Variants in ANKRD6 observed in about 807,000 individuals in gnomAD.
ANKRD6 encodes the protein ankyrin repeat domain 6, also known as ankyrin repeat domain-containing protein 6.
Under a neutral mutation model 82.3 loss-of-function variants are expected in ANKRD6, and 56 were observed. The observed-to-expected ratio is 0.68, with a 90% CI of 0.55 to 0.85. The LOEUF (loss-of-function observed/expected upper bound fraction) is 0.85, where lower values mean the gene tolerates loss of function less well. Among genes scored for constraint, ANKRD6 ranks in the 40% least tolerant of loss-of-function variants. The pLI, the probability that ANKRD6 is intolerant of heterozygous loss-of-function variation, is 0.00. For synonymous variants in ANKRD6, 347 were observed against 352.1 expected, an observed-to-expected ratio of 0.99 and a Z score of 0.16; for missense variants, 852 against 907.6, an observed-to-expected ratio of 0.94 and a Z score of 0.79.
At chr6:89,565,746 G>T (rs1397725820) in intron 1 of ANKRD6, among the ~76,000 whole-genome samples, 1 of 152,228 alleles carries the variant, frequency 6.6e-6, no homozygotes, top group Non-Finnish European at 1.5e-5. Context: ...TCAGAGTTAG[G>T]ATGTGTGGTA....
chr6:89,616,506 G>C, intron 7 of ANKRD6, 53 bp from the exon 8 acceptor site: 1 of 1,560,260 alleles, frequency 6.4e-7, no homozygotes, highest in South Asian at 1.1e-5. Context: ...GAAAAGCTGG[G>C]GGCTGTAGGC....
At chr6:89,470,070 C>A (rs561161732) in intron 1 of ANKRD6, among the ~76,000 whole-genome samples, 5 of 152,230 alleles carry the variant, frequency 3.3e-5, no homozygotes, top group African/African-American at 1.2e-4. Context: ...AGGTAAAAAT[C>A]TTTTAAAATG....
intron 1 of ANKRD6, among the ~76,000 whole-genome samples, chr6:89,462,827 G>C (rs1774351447): frequency 6.8e-6 from 1 of 148,058 alleles, no homozygotes; most frequent in African/African-American, 2.5e-5. Context: ...AAAAGTACAC[G>C]AGTACCCCTA....
intron 1 of ANKRD6, among the ~76,000 whole-genome samples, chr6:89,446,713 C>T (rs1017082813): frequency 9.2e-5 from 14 of 152,092 alleles, no homozygotes; most frequent in African/African-American, 2.9e-4. Flanking sequence ...ATAGTTTGGC[C>T]GTGTCCCCAC....
In ANKRD6 at chr6:89,450,288, G is replaced by A. The variant is rs147701610; in HGVS notation, c.-144+16913G>A. ...GGAGGTGCAGGTTGTGGTGAGCCTC[G>A]CGACAGAGTGAGACTCCATCTCAAA... On this transcript the variant is annotated intron_variant, in intron 1 of 15. Transcript: ENST00000339746. Among the ~76,000 whole-genome samples the A allele has an allele frequency of 4.0e-3, 614 of 151,834 alleles. 4 individuals carry two copies. Among genetic ancestry groups the A allele is most frequent in the African/African-American group, 0.014 (583 of 41,396 alleles).
At chr6:89,462,724 T>C (rs1237005380) in intron 1 of ANKRD6, among the ~76,000 whole-genome samples, 1 of 152,254 alleles carries the variant, frequency 6.6e-6, no homozygotes. Context: ...AGATTATCTT[T>C]GGGCAATTCC....
intron 1 of ANKRD6, among the ~76,000 whole-genome samples, chr6:89,446,578 A>G (rs957096548): frequency 1.3e-5 from 2 of 152,018 alleles, no homozygotes; most frequent in Non-Finnish European, 2.9e-5. Flanking sequence ...AATTCTTGAA[A>G]GAAATTAAAA....
chr6:89,469,966 T>C (rs1403301538), intron 1 of ANKRD6, among the ~76,000 whole-genome samples: 1 of 152,192 alleles, frequency 6.6e-6, no homozygotes, highest in Non-Finnish European at 1.5e-5. Flanking sequence ...TCTCCTTTTC[T>C]CCATAAATGG....
Position 89,595,901 on chromosome 6 carries a change from A to ATTT in ANKRD6, c.121-13_121-11dup. The ATTT allele has an allele frequency of 6.3e-7, 1 of 1,591,806 alleles. No individual in the cohort carries two copies. The highest frequency in any genetic ancestry group is 8.6e-7 in the Non-Finnish European group (1 of 1,167,250). ...AGGACTTGTTCCGAAATCATTGTTC[A>ATTT]TTTTGCATTCACAGCATGGCCGGAC... On this transcript the variant is annotated splice_polypyrimidine_tract_variant and intron_variant, in intron 2 of 15. Coordinates refer to ENST00000339746, the MANE Select transcript of ANKRD6 (RefSeq NM_001242809.2).
At chr6:89,536,586 G>A (rs1783868821) in intron 1 of ANKRD6, among the ~76,000 whole-genome samples, 1 of 152,226 alleles carries the variant, frequency 6.6e-6, no homozygotes, top group South Asian at 2.1e-4. Flanking sequence ...AAGGAATGTA[G>A]CTGATTCAGT....
At chr6:89,485,284 C>T (rs1026847047) in intron 1 of ANKRD6, among the ~76,000 whole-genome samples, 5 of 152,130 alleles carry the variant, frequency 3.3e-5, no homozygotes, top group Non-Finnish European at 5.9e-5. Context: ...TAGCATTGAA[C>T]GCTATGTTTT....
At chr6:89,450,210 G>A (rs1199062042) in intron 1 of ANKRD6, among the ~76,000 whole-genome samples, 2 of 151,812 alleles carry the variant, frequency 1.3e-5, no homozygotes, top group African/African-American at 4.8e-5. Context: ...GGTGGCAGGC[G>A]CCTATAATCC....
chr6:89,622,560 G>C (rs1349315667), intron 10 of ANKRD6, among the ~76,000 whole-genome samples: 1 of 152,246 alleles, frequency 6.6e-6, no homozygotes, highest in African/African-American at 2.4e-5. Context: ...AGGGAGGGGA[G>C]CAAGGCTATG....
At chr6:89,587,190 C>CAA (rs36065437) in intron 2 of ANKRD6, among the ~76,000 whole-genome samples, 290 of 84,244 alleles carry the variant, frequency 3.4e-3, no homozygotes, top group South Asian at 7.9e-3. Flanking sequence ...AACTCCGTCT[C>CAA]AAAAAAAAAA....
At chr6:89,470,264 A>G (rs923279777) in intron 1 of ANKRD6, among the ~76,000 whole-genome samples, 94 of 152,210 alleles carry the variant, frequency 6.2e-4, no homozygotes, top group African/African-American at 2.2e-3. Flanking sequence ...AGTTCTTGTT[A>G]ATCCTCAGGA....
chr6:89,538,783 G>A (rs1056666411), intron 1 of ANKRD6, among the ~76,000 whole-genome samples: 14 of 151,692 alleles, frequency 9.2e-5, no homozygotes, highest in African/African-American at 3.1e-4. Context: ...AACCAGTTTG[G>A]TTCCAACTTT....
chr6:89,465,788 G>A (rs1429629306), intron 1 of ANKRD6, among the ~76,000 whole-genome samples: 2 of 152,156 alleles, frequency 1.3e-5, no homozygotes, highest in South Asian at 4.2e-4. Context: ...ACTTGAGCCC[G>A]GGAGATCAAT....
chr6:89,612,307 C>G lies in ANKRD6; in HGVS notation c.453C>G (p.Asn151Lys), dbSNP rs1452531571. ...GNTALHLACQNSHSQSTRVLL... is the reference protein window; with the variant it reads ...GNTALHLACQKSHSQSTRVLL... ...CAGCTCTGCACCTGGCCTGCCAGAACAGCCACTCCCAGAGCACGCGCGTCC... is the reference window on the plus strand; with the variant it reads ...CAGCTCTGCACCTGGCCTGCCAGAAGAGCCACTCCCAGAGCACGCGCGTCC... Residue 151 changes from asparagine to lysine, a missense_variant, in exon 6 of 16, where the codon AAC (asparagine) becomes AAG (lysine). Physicochemically the swap from Asn to Lys is moderately conservative, Grantham distance 94 (BLOSUM62 0). Coordinates refer to ENST00000339746, the MANE Select transcript of ANKRD6 (RefSeq NM_001242809.2). 2.6e-6 allele frequency: 4 copies of G among 1,564,956 alleles called. No homozygotes were observed. Among genetic ancestry groups the G allele is most frequent in the Non-Finnish European group, 1.7e-6 (2 of 1,154,186 alleles).
chr6:89,537,783 C>G (rs1259001388), intron 1 of ANKRD6, among the ~76,000 whole-genome samples: 1 of 147,248 alleles, frequency 6.8e-6, no homozygotes, highest in Non-Finnish European at 1.5e-5. Context: ...GCAGTCCCAG[C>G]TACTCATGAG....
Sources: allele counts gnomAD v4.1 joint callset (sites outside exome capture counted in the v4.1 genomes callset), GRCh38; gene constraint gnomAD v4.1.1; transcripts MANE v1.5; gene names NCBI Gene and HGNC (gene_info 2026-07-23, HGNC 2026-07-21).